The following MRPS22 variants were observed in gnomAD, a reference collection of about 807,000 sequenced individuals.
The protein encoded by MRPS22 is small ribosomal subunit protein mS22.
A neutral mutation model predicts 44.0 loss-of-function variants in MRPS22; 30 were observed. The ratio of observed to expected loss-of-function variants is 0.68; its 90% confidence interval spans 0.51 to 0.93. The LOEUF is 0.93. Ranked by LOEUF, MRPS22 falls within the 40% of genes least tolerant of loss-of-function variation. The probability of loss-of-function intolerance (pLI) is 0.00; values close to 1 mark genes in which losing one functional copy is unlikely to be tolerated. For missense variants in MRPS22, 447 were observed against 447.8 expected, an observed-to-expected ratio of 1.00 and a Z score of 0.02; for synonymous variants, 165 against 154.4, an observed-to-expected ratio of 1.07 and a Z score of -0.51.
chr3:139,352,307 T>C, intron 5 of MRPS22: 1 of 268,842 alleles, frequency 3.7e-6, no homozygotes, highest in South Asian at 4.5e-5. Flanking sequence ...AGGGTCTTAT[T>C]CTGTGGCCTG....
chr3:139,344,696 A>G lies in MRPS22; in HGVS notation c.172+498A>G, dbSNP rs543125170. 118 of 701,408 alleles carry G rather than the reference A, an allele frequency of 1.7e-4. No homozygotes were observed. The African/African-American group carries it at 1.9e-3, about 11-fold the overall frequency. The allele number at this position is 701,408 out of a possible 1,614,324, so 43.4% of individuals were successfully genotyped here. On this transcript the variant is annotated intron_variant, in intron 1 of 7. Transcript: ENST00000680020. Reference sequence around the variant, plus strand: ...TGTCCAGAAATGAGACTGAGCACAGATATTTGGGAACCCATTTTGGAGGTA... The same window carrying G: ...TGTCCAGAAATGAGACTGAGCACAGGTATTTGGGAACCCATTTTGGAGGTA...
In MRPS22 at chr3:139,348,250, G is replaced by C; in HGVS notation, c.430G>C (p.Glu144Gln). 6.2e-7 allele frequency: 1 copy of C among 1,614,104 alleles called. No individual in the cohort carries two copies. Among genetic ancestry groups the C allele is most frequent in the Non-Finnish European group, 8.5e-7 (1 of 1,179,962 alleles). Residue 144 changes from glutamate to glutamine, a missense_variant, in exon 3 of 8, where the codon GAA (glutamate) becomes CAA (glutamine). By Grantham distance (29) the Glu-to-Gln change is conservative (BLOSUM62 2). Coordinates refer to ENST00000680020, the MANE Select transcript of MRPS22 (RefSeq NM_020191.4). ...ERVPINDVLAEDKILEGTETT... is the reference protein window; with the variant it reads ...ERVPINDVLAQDKILEGTETT... ...AGTACCAATAAATGATGTGTTAGCT[G>C]AAGATAAGATTTTGGAAGGAACAGA...
chr3:139,350,796 A>T, intron 4 of MRPS22, 181 bp from the exon 5 acceptor site: 2 of 659,712 alleles, frequency 3.0e-6, no homozygotes, highest in East Asian at 5.6e-5. Flanking sequence ...GGGTTCTCTC[A>T]TAATTGGCTT....
intron 1 of MRPS22, chr3:139,344,579 G>A: frequency 1.6e-6 from 1 of 625,162 alleles, no homozygotes; most frequent in Admixed American, 2.7e-5. Context: ...GGTCAGGGAA[G>A]GGTTCCTGGC....
chr3:139,350,215 C>G lies in MRPS22; in HGVS notation c.541C>G (p.Leu181Val), dbSNP rs756840278. The G allele has an allele frequency of 1.9e-6, 3 of 1,614,108 alleles. No individual in the cohort carries two copies. The highest frequency in any genetic ancestry group is 1.3e-5 in the African/African-American group (1 of 75,016). The change falls in exon 4 of 8, where the codon CTA becomes GTA. Residue 181 changes from leucine (L) to valine (V), a missense_variant. Leu to Val is a conservative substitution (Grantham distance 32). Transcript: ENST00000680020. Reference sequence around the variant, plus strand: ...TGTCGTCAGAGAACCAAGTGGCACACTACGCAAAGCCTCTTGGGAAGAACG... The same window carrying G: ...TGTCGTCAGAGAACCAAGTGGCACAGTACGCAAAGCCTCTTGGGAAGAACG... Reference protein sequence around the residue: ...FIVVREPSGTLRKASWEERDR... With the variant: ...FIVVREPSGTVRKASWEERDR...
chr3:139,353,597 C>G (rs903657337), intron 6 of MRPS22, among the ~76,000 whole-genome samples: 3 of 152,116 alleles, frequency 2.0e-5, no homozygotes, highest in Non-Finnish European at 4.4e-5. Context: ...AAAGGTAAGG[C>G]ATGTGGAACT....
intron 5 of MRPS22, 119 bp from the exon 6 acceptor site, chr3:139,352,528 A>G (rs1458569588): frequency 2.4e-6 from 2 of 839,248 alleles, no homozygotes; most frequent in South Asian, 2.8e-5. Context: ...TATGGAGGCA[A>G]CTGTAAGTAG....
chr3:139,355,650 C>G lies in MRPS22; in HGVS notation c.879-32C>G, dbSNP rs755557532. ...GGACTGTGAATCAAATGAAGAAAAC[C>G]CCTAGATAACATTAAACCCTTTCAT... is the stretch of plus-strand genomic sequence containing the variant. On this transcript the variant is annotated intron_variant, in intron 6 of 7. Coordinates refer to ENST00000680020, the MANE Select transcript of MRPS22 (RefSeq NM_020191.4). 4.1e-5 allele frequency: 63 copies of G among 1,530,890 alleles called. No individual in the cohort carries two copies. In the South Asian group the frequency reaches 6.7e-4, roughly 16 times the overall value. The allele number at this position is 1,530,890 out of a possible 1,614,324, so 94.8% of individuals were successfully genotyped here. A position where few individuals can be genotyped will look rare whatever the true frequency, so the allele number is the denominator to read the frequency against.
intron 1 of MRPS22, among the ~76,000 whole-genome samples, chr3:139,346,040 T>G (rs978552339): frequency 6.6e-6 from 1 of 152,156 alleles, no homozygotes; most frequent in African/African-American, 2.4e-5. Context: ...CTAATGGAAA[T>G]GGAAGTAGAA....
chr3:139,349,071 G>A (rs1394827715), intron 3 of MRPS22: 1 of 308,462 alleles, frequency 3.2e-6, no homozygotes, highest in Non-Finnish European at 6.3e-6. Context: ...GTTAGAAAAC[G>A]ATTTGAGCTA....
In MRPS22 at chr3:139,344,083, C is replaced by T; in HGVS notation, c.57C>T (p.Gly19=). The T allele has an allele frequency of 6.2e-7, 1 of 1,614,168 alleles. No individual in the cohort carries two copies. Among genetic ancestry groups the T allele is most frequent in the African/African-American group, 1.3e-5 (1 of 75,048 alleles). ...LLWSLLRSSP[G]VERVCFRARI... ...GGAGCCTCTTGAGGAGTTCTCCGGG[C>T]GTGGAACGGGTCTGTTTCCGGGCTC... Residue 19 remains glycine, a synonymous_variant, in exon 1 of 8, where the codon GGC becomes GGT. Transcript: ENST00000680020.
intron 6 of MRPS22, among the ~76,000 whole-genome samples, chr3:139,354,454 A>G (rs1224439955): frequency 1.3e-5 from 2 of 152,178 alleles, no homozygotes; most frequent in African/African-American, 2.4e-5. Context: ...GGGAATCTTA[A>G]TTTTTTATTG....
chr3:139,346,567 T>C (rs1296941128), intron 1 of MRPS22, among the ~76,000 whole-genome samples: 2 of 152,358 alleles, frequency 1.3e-5, no homozygotes, highest in Middle Eastern at 3.4e-3. Context: ...ATGTGTGTTA[T>C]ACCTGCCATA....
chr3:139,344,039 G>A lies in MRPS22; in HGVS notation c.13G>A (p.Gly5Arg), dbSNP rs1247739355. Residue 5 changes from glycine to arginine, a missense_variant, in exon 1 of 8, where the codon GGA becomes AGA. Coordinates refer to ENST00000680020, the MANE Select transcript of MRPS22 (RefSeq NM_020191.4). MAPL[G>R]TTVLLWSLLR... ...GCTTCTGATAATCATGGCGCCCCTC[G>A]GAACAACTGTATTGCTGTGGAGCCT... is the stretch of plus-strand genomic sequence containing the variant. The A allele has an allele frequency of 1.9e-6, 3 of 1,614,134 alleles. No individual in the cohort carries two copies. Among genetic ancestry groups the A allele is most frequent in the East Asian group, 4.5e-5 (2 of 44,856 alleles).
intron 6 of MRPS22, 25 bp downstream of exon 6, chr3:139,352,817 A>G (rs371823847): frequency 6.2e-7 from 1 of 1,608,280 alleles, no homozygotes; most frequent in Non-Finnish European, 8.5e-7. Flanking sequence ...AGTAAGTGAA[A>G]GAATCATTCT....
intron 3 of MRPS22, chr3:139,349,553 CA>C: frequency 4.9e-6 from 1 of 205,036 alleles, no homozygotes. Context: ...TGAGGGATGC[CA>C]AAAATCTTGT....
chr3:139,349,962 A>AT (rs1941114549), intron 3 of MRPS22, among the ~76,000 whole-genome samples: 1 of 152,218 alleles, frequency 6.6e-6, no homozygotes, highest in Non-Finnish European at 1.5e-5. Flanking sequence ...GAATACTTTC[A>AT]TTTTAGATTT....
At position 139,355,792 on chromosome 3, in the gene MRPS22, T is replaced by C; in HGVS notation, c.987+2T>C. The C allele has an allele frequency of 1.9e-6, 3 of 1,611,518 alleles. No homozygotes were observed. The highest frequency in any genetic ancestry group is 2.5e-6 in the Non-Finnish European group (3 of 1,177,774). On this transcript the variant is annotated splice_donor_variant, in intron 7 of 7. Transcript: ENST00000680020. LOFTEE classifies it high-confidence loss of function. ...GCTGAGGGAATAAATTTAATCAAGG[T>C]AAAGTTTTTTTTTCATATTGGTTGT...
intron 6 of MRPS22, 195 bp from the exon 7 acceptor site, chr3:139,355,484 CGGA>C: frequency 1.7e-6 from 1 of 599,822 alleles, no homozygotes; most frequent in South Asian, 2.0e-5. Context: ...AGCTGCCTCA[CGGA>C]GTTGGTGTGA....
Sources: gnomAD v4.1 joint callset for allele counts (sites outside exome capture counted in the v4.1 genomes callset) on GRCh38, gnomAD v4.1.1 for gene constraint, MANE v1.5 for transcripts, NCBI Gene and HGNC (gene_info 2026-07-23, HGNC 2026-07-21) for gene names.